The following MYO15A variants were observed in gnomAD, a reference collection of about 807,000 sequenced individuals.
MYO15A encodes the protein unconventional myosin-XV.
Under a neutral mutation model 394.6 loss-of-function variants are expected in MYO15A, and 308 were observed. The observed-to-expected ratio is 0.78, with a 90% confidence interval of 0.71 to 0.86. The LOEUF (loss-of-function observed/expected upper bound fraction) is 0.86, where lower values mean the gene tolerates loss of function less well. Among genes scored for constraint, MYO15A ranks in the 40% least tolerant of loss-of-function variants. MYO15A has a pLI of 0.00. For synonymous variants in MYO15A, 1,957 were observed against 2,003.8 expected (o/e 0.98, Z 0.62); for missense variants, 4,606 against 4,799.1 (o/e 0.96, Z 1.19).
rs747490436 is a variant in MYO15A at position 18,157,768 on chromosome 17, G to A, written c.8835G>A (p.Ser2945=). 4 of 1,605,612 alleles carry A rather than the reference G, an allele frequency of 2.5e-6. No individual in the cohort carries two copies. The highest frequency in any genetic ancestry group is 2.2e-5 in the East Asian group (1 of 44,872). Residue 2945 remains serine (S), a synonymous_variant, in exon 51 of 66, where the codon TCG becomes TCA. Transcript: ENST00000647165. ...TIHGRVGRFP[S]ELVQPAAAPD... is the part of the protein sequence containing the mutation. ...ACGGGCGCGTGGGCCGCTTCCCTTC[G>A]GAGCTGGTGCAGCCCGCTGCTGCCC...
In MYO15A at chr17:18,146,003, G is replaced by A; in HGVS notation, c.6405G>A (p.Val2135=). The A allele has an allele frequency of 6.2e-7, 1 of 1,613,946 alleles. No homozygotes were observed. Among genetic ancestry groups the A allele is most frequent in the African/African-American group, 1.3e-5 (1 of 75,064 alleles). ...TCCTGGCACAGCTGGCCAATCAGGT[G>A]TGGCACAATCACAATGCCCACAATG... is the stretch of plus-strand genomic sequence containing the variant. The part of the protein sequence containing the change: ...DEILAQLANQ[V]WHNHNAHNAE... The change falls in exon 30 of 66, where the codon GTG becomes GTA. Residue 2135 remains valine (V), a synonymous_variant. Transcript: ENST00000647165.
chr17:18,110,823 T>C (rs1209075913), intron 1 of MYO15A, among the ~76,000 whole-genome samples: 2 of 152,230 alleles, frequency 1.3e-5, no homozygotes, highest in Non-Finnish European at 2.9e-5. Context: ...GCCATAGGAC[T>C]GTCCTTGAAG....
chr17:18,120,054 C>T lies in MYO15A; in HGVS notation c.1254C>T (p.Ile418=). Residue 418 remains isoleucine, a synonymous_variant, in exon 2 of 66, where the codon ATC becomes ATT. Coordinates refer to ENST00000647165, the MANE Select transcript of MYO15A (RefSeq NM_016239.4). The stretch of plus-strand genomic sequence containing the variant: ...TGTACCCCTGGGTACCACCGCCCAT[C>T]CCGTCGCCCCACAACCCGTATGCCC... ...AFVYPWVPPP[I]PSPHNPYAHA... 2 of 1,613,466 alleles carry T rather than the reference C, an allele frequency of 1.2e-6. No individual in the cohort carries two copies. The highest frequency in any genetic ancestry group is 1.7e-6 in the Non-Finnish European group (2 of 1,179,974).
chr17:18,121,670 C>A lies in MYO15A; in HGVS notation c.2870C>A (p.Pro957His). ...AGSRRGFSRP[P>H]PVPENPFLQL... is the part of the protein sequence containing the mutation. ...AGCCGCCGAGGCTTTTCCAGGCCAC[C>A]CCCTGTGCCGGAAAACCCCTTTCTC... The change falls in exon 2 of 66, where the codon CCC becomes CAC. Residue 957 changes from proline to histidine, a missense_variant. Coordinates refer to ENST00000647165, the MANE Select transcript of MYO15A (RefSeq NM_016239.4). The surrounding 1 kb of genome is among the most constrained non-coding windows in gnomAD (Gnocchi z 5.3). The A allele has an allele frequency of 1.2e-6, 2 of 1,607,212 alleles. No individual in the cohort carries two copies. Among genetic ancestry groups the A allele is most frequent in the Non-Finnish European group, 1.7e-6 (2 of 1,176,546 alleles).
intron 3 of MYO15A, 172 bp from the exon 4 acceptor site, chr17:18,124,996 A>G (rs1200649008): frequency 4.4e-6 from 3 of 685,626 alleles, no homozygotes; most frequent in East Asian, 2.7e-5. Flanking sequence ...CAAATGAAGA[A>G]AAAGGCACAG....
In MYO15A at chr17:18,167,573, C is replaced by A; in HGVS notation, c.9949-17C>A. The stretch of plus-strand genomic sequence containing the variant: ...GCGTGCCTGCCTGGCAGCCCCTCAC[C>A]CAGGTGCTCCCTGCAGGTCCTGCCT... On this transcript the variant is annotated splice_polypyrimidine_tract_variant and intron_variant, in intron 61 of 65. Coordinates refer to ENST00000647165, the MANE Select transcript of MYO15A (RefSeq NM_016239.4). 3.1e-6 allele frequency: 5 copies of A among 1,601,078 alleles called. No individual in the cohort carries two copies. The highest frequency in any genetic ancestry group is 4.2e-6 in the Non-Finnish European group (5 of 1,179,828).
At chr17:18,158,788 C>T (rs1486637815) in intron 52 of MYO15A, 137 bp from the exon 53 acceptor site, 3 of 1,377,758 alleles carry the variant, frequency 2.2e-6, no homozygotes, top group Non-Finnish European at 3.1e-6. Flanking sequence ...CAGTGCCTGC[C>T]TCTGGGGGTC....
Position 18,139,625 on chromosome 17 carries a change from C to T in MYO15A, c.5211+14C>T, listed in dbSNP as rs2142331199. 2 of 1,613,432 alleles carry T rather than the reference C, an allele frequency of 1.2e-6. No individual in the cohort carries two copies. The highest frequency in any genetic ancestry group is 1.7e-6 in the Non-Finnish European group (2 of 1,179,814). On this transcript the variant is annotated intron_variant, in intron 19 of 65. Transcript: ENST00000647165. ...AGCCGGACACGGGTAAGCCTCGCCT[C>T]CCACCGCTCTGGCCCTGCCCCCAGG...
In MYO15A at chr17:18,179,002, A is replaced by T; in HGVS notation, c.*132A>T. The T allele has an allele frequency of 1.1e-6, 1 of 881,688 alleles. No homozygotes were observed. The highest frequency in any genetic ancestry group is 1.8e-6 in the Non-Finnish European group (1 of 551,924). The allele number at this position is 881,688 out of a possible 1,614,324, so 54.6% of individuals were successfully genotyped here. A position where few individuals can be genotyped will look rare whatever the true frequency, so the allele number is the denominator to read the frequency against. On this transcript the variant is annotated 3_prime_UTR_variant, in exon 66 of 66. Transcript: ENST00000647165. ...TTGGAGGACACTAAGAGGAGGCAGG[A>T]GGAGCAACTCAAATCCCCAAGAACA...
At chr17:18,149,129 C>G in intron 33 of MYO15A, 87 bp from the exon 34 acceptor site, 1 of 1,551,432 alleles carries the variant, frequency 6.4e-7, no homozygotes, top group South Asian at 1.2e-5. Context: ...ATGGAGAAAG[C>G]CACTGAATAC....
chr17:18,121,322 C>T lies in MYO15A; in HGVS notation c.2522C>T (p.Pro841Leu), dbSNP rs1233889684. The T allele has an allele frequency of 2.9e-6, 4 of 1,356,496 alleles. No individual in the cohort carries two copies. In the East Asian group the frequency reaches 1.0e-4, roughly 34 times the overall value. The allele number at this position is 1,356,496 out of a possible 1,614,324, so 84.0% of individuals were successfully genotyped here. A position where few individuals can be genotyped will look rare whatever the true frequency, so the allele number is the denominator to read the frequency against. ...CTGGGCCCACCCGGCTCGCCGCTGC[C>T]GGGCTCACCCAGGCCGCCCTCGCCG... ...GRLGPPGSPL[P>L]GSPRPPSPPL... is the part of the protein sequence containing the mutation. The change falls in exon 2 of 66, where the codon CCG (proline) becomes CTG (leucine). Residue 841 changes from proline to leucine, a missense_variant. Around this residue, in one of 2 missense-constraint regions of MYO15A, gnomAD observed 1,830 missense variants for 1,689.7 expected, o/e 1.08. Coordinates refer to ENST00000647165, the MANE Select transcript of MYO15A (RefSeq NM_016239.4). The surrounding 1 kb of genome is among the most constrained non-coding windows in gnomAD (Gnocchi z 5.3).
At chr17:18,112,307 G>T (rs2045731958) in intron 1 of MYO15A, among the ~76,000 whole-genome samples, 1 of 152,098 alleles carries the variant, frequency 6.6e-6, no homozygotes, top group Non-Finnish European at 1.5e-5. Flanking sequence ...TGACATCTCA[G>T]GTCCCTGACA....
At position 18,162,861 on chromosome 17, in the gene MYO15A, A is replaced by G. The variant is rs942831928; in HGVS notation, c.9612+182A>G. 4.6e-5 allele frequency among the ~76,000 whole-genome samples: 7 copies of G among 152,242 alleles called. No homozygotes were observed. In the East Asian group the frequency reaches 1.4e-3, roughly 29 times the overall value. On this transcript the variant is annotated intron_variant, in intron 58 of 65. Coordinates refer to ENST00000647165, the MANE Select transcript of MYO15A (RefSeq NM_016239.4). Reference sequence around the variant, plus strand: ...CTAAAAATACAAAAATTAGCCGGGCATGGTGGCAGGCACCTGTAATCCCAG... The same window carrying G: ...CTAAAAATACAAAAATTAGCCGGGCGTGGTGGCAGGCACCTGTAATCCCAG...
Position 18,120,455 on chromosome 17 carries a change from AC to A in MYO15A, c.1657del (p.Arg553GlyfsTer76). 6.3e-7 allele frequency: 1 copy of A among 1,577,448 alleles called. No homozygotes were observed. The highest frequency in any genetic ancestry group is 1.1e-5 in the South Asian group (1 of 88,606). ...LQRALSAFGA[H>X]RGLGFGPEFG... ...CGCGCGCTGTCGGCCTTCGGCGCCC[AC>A]CGGGGCCTGGGCTTCGGCCCTGAGT... On this transcript the variant is annotated frameshift_variant, in exon 2 of 66. Transcript: ENST00000647165. LOFTEE classifies it high-confidence loss of function.
At position 18,121,284 on chromosome 17, in the gene MYO15A, A is replaced by AGCCGCTGGGCGCCTGGGCCCACCCGGCTC; in HGVS notation, c.2492_2520dup (p.Pro841GlyfsTer32). On this transcript the variant is annotated frameshift_variant, in exon 2 of 66. Transcript: ENST00000647165. LOFTEE classifies it high-confidence loss of function. The surrounding 1 kb of genome is among the most constrained non-coding windows in gnomAD (Gnocchi z 5.3). Reference sequence around the variant, plus strand: ...TGCAGGAGTCCCCAGCCCCACGCCGAGCCGCTGGGCGCCTGGGCCCACCCG... The same window carrying AGCCGCTGGGCGCCTGGGCCCACCCGGCTC: ...TGCAGGAGTCCCCAGCCCCACGCCGAGCCGCTGGGCGCCTGGGCCCACCCGGCTCGCCGCTGGGCGCCTGGGCCCACCCG... 1 of 1,361,092 alleles carries AGCCGCTGGGCGCCTGGGCCCACCCGGCTC rather than the reference A, an allele frequency of 7.3e-7. No individual in the cohort carries two copies. Among genetic ancestry groups the AGCCGCTGGGCGCCTGGGCCCACCCGGCTC allele is most frequent in the Non-Finnish European group, 9.4e-7 (1 of 1,062,012 alleles). 84.3% of individuals were successfully genotyped at this position (1,361,092 alleles called of 1,614,324 possible).
chr17:18,177,891 C>T (rs1019050440), intron 65 of MYO15A: 1 of 152,266 alleles, frequency 6.6e-6, no homozygotes, highest in Non-Finnish European at 1.5e-5. Context: ...TGGCTTTCGT[C>T]TGAGAACCAC....
In MYO15A at chr17:18,146,018, T is replaced by A. The variant is rs1597798518; in HGVS notation, c.6420T>A (p.Asn2140Lys). The part of the protein sequence containing the change: ...QLANQVWHNH[N>K]AHNAERGWLL... ...CCAATCAGGTGTGGCACAATCACAA[T>A]GCCCACAATGCTGAGCGGGGCTGGC... Residue 2140 changes from asparagine to lysine, a missense_variant, in exon 30 of 66, where the codon AAT becomes AAA. By Grantham distance (94) the Asn-to-Lys change is moderately conservative. This residue lies in a region of MYO15A where 2,776 missense variants were observed against 3,109.3 expected (regional missense o/e 0.89). Transcript: ENST00000647165. The A allele has an allele frequency of 2.5e-6, 4 of 1,613,924 alleles. No homozygotes were observed. Among genetic ancestry groups the A allele is most frequent in the Non-Finnish European group, 3.4e-6 (4 of 1,180,020 alleles).
rs754095115 is a variant in MYO15A at position 18,161,300 on chromosome 17, C to T, written c.9387-17C>T. 1.9e-6 allele frequency: 3 copies of T among 1,613,040 alleles called. No individual in the cohort carries two copies. Among genetic ancestry groups the T allele is most frequent in the African/African-American group, 2.7e-5 (2 of 74,904 alleles). ...TGCTGTGGCCACCTCTGCTGTAGCC[C>T]CCATGTGTCCTTGCAGGGACAGCTG... On this transcript the variant is annotated splice_polypyrimidine_tract_variant and intron_variant, in intron 56 of 65. Coordinates refer to ENST00000647165, the MANE Select transcript of MYO15A (RefSeq NM_016239.4).
intron 33 of MYO15A, 129 bp from the exon 34 acceptor site, chr17:18,149,087 A>G: frequency 6.8e-7 from 1 of 1,480,170 alleles, no homozygotes. Context: ...GTTCTTAAGG[A>G]GGTAGAGTTC....
Sources: gnomAD v4.1 joint callset for allele counts (sites outside exome capture counted in the v4.1 genomes callset) on GRCh38, gnomAD v4.1.1 for gene constraint, gnomAD v4.1.1 regional missense constraint, Gnocchi (gnomAD v3.1) non-coding constraint, MANE v1.5 for transcripts, NCBI Gene and HGNC (gene_info 2026-07-23, HGNC 2026-07-21) for gene names.